BUB3: variants seen among roughly 807,000 people sequenced by gnomAD.
The protein encoded by BUB3 is BUB3 mitotic checkpoint protein, also known as mitotic checkpoint protein BUB3.
In BUB3, 22 loss-of-function variants were observed where a neutral mutation model predicts 39.9. The observed-to-expected ratio is 0.55, with a 90% CI of 0.39 to 0.79. BUB3 has a LOEUF of 0.79. Ranked by LOEUF, BUB3 falls within the 30% of genes least tolerant of loss-of-function variation. The probability of loss-of-function intolerance (pLI) is 0.00; values close to 1 mark genes in which losing one functional copy is unlikely to be tolerated. For missense variants in BUB3, 303 were observed against 415.4 expected (o/e 0.73, Z 2.35); for synonymous variants, 168 against 155.1 (o/e 1.08, Z -0.62).
rs994109282 is a variant in BUB3 at position 123,160,544 on chromosome 10, A to G, written c.555A>G (p.Ile185Met). Residue 185 changes from isoleucine (I) to methionine (M), a missense_variant, in exon 5 of 8, where the codon ATA becomes ATG. By Grantham distance (10) the Ile-to-Met change is conservative (BLOSUM62 1). Coordinates refer to ENST00000368865, the MANE Select transcript of BUB3 (RefSeq NM_004725.4). ...ESSLKYQTRC[I>M]RAFPNKQGYV... Reference sequence around the variant, plus strand: ...GCCTGAAATACCAGACTCGCTGCATACGAGCGTTTCCAAACAAGCAGGTAT... The same window carrying G: ...GCCTGAAATACCAGACTCGCTGCATGCGAGCGTTTCCAAACAAGCAGGTAT... The G allele has an allele frequency of 4.4e-6, 7 of 1,602,524 alleles. No homozygotes were observed. Among genetic ancestry groups the G allele is most frequent in the Non-Finnish European group, 5.9e-6 (7 of 1,176,748 alleles).
intron 7 of BUB3, 198 bp downstream of exon 7, chr10:123,163,026 T>A: frequency 1.7e-6 from 1 of 572,932 alleles, no homozygotes; most frequent in Non-Finnish European, 3.0e-6. Flanking sequence ...AAATTGTGCC[T>A]AGTTGTTTTG....
At chr10:123,154,857 G>C in intron 1 of BUB3, 61 bp from the exon 2 acceptor site, 1 of 1,541,034 alleles carries the variant, frequency 6.5e-7, no homozygotes, top group Non-Finnish European at 8.8e-7. Flanking sequence ...CCAGTGCCAG[G>C]CTGTCAGTGC....
At chr10:123,160,650 G>T in intron 5 of BUB3, 85 bp downstream of exon 5, 2 of 1,240,318 alleles carry the variant, frequency 1.6e-6, no homozygotes, top group South Asian at 2.3e-5. Flanking sequence ...AGCCCCTAAA[G>T]CCTTCTTTTT....
chr10:123,166,375 C>G lies in BUB3; in HGVS notation c.*2540C>G, dbSNP rs1564785292. 1 of 152,178 alleles carries G rather than the reference C, an allele frequency of 6.6e-6. No homozygotes were observed. The highest frequency in any genetic ancestry group is 2.4e-5 in the African/African-American group (1 of 41,430). The allele number at this position is 152,178 out of a possible 1,614,324, so 9.4% of individuals were successfully genotyped here. ...ACATTTTGAACTACAGTTCAGAACA[C>G]AGAGGTCAGTATATTATACATGACA... On this transcript the variant is annotated 3_prime_UTR_variant, in exon 8 of 8. Transcript: ENST00000368865.
rs550614544 is a variant in BUB3 at position 123,168,215 on chromosome 10, T to C, written c.*4380T>C. 1 of 152,374 alleles carries C rather than the reference T, an allele frequency of 6.6e-6. No individual in the cohort carries two copies. The highest frequency in any genetic ancestry group is 2.1e-4 in the South Asian group (1 of 4,832). The allele number at this position is 152,374 out of a possible 1,614,324, so 9.4% of individuals were successfully genotyped here. On this transcript the variant is annotated 3_prime_UTR_variant, in exon 8 of 8. Transcript: ENST00000368865. Reference sequence around the variant, plus strand: ...ATGTCAGGGCTCCAGAACTTACTCATCTCATAGGAGGCAGCTACTTTTAAC... The same window carrying C: ...ATGTCAGGGCTCCAGAACTTACTCACCTCATAGGAGGCAGCTACTTTTAAC...
chr10:123,160,669 G>A, intron 5 of BUB3, 104 bp downstream of exon 5: 1 of 1,096,006 alleles, frequency 9.1e-7, no homozygotes, highest in Non-Finnish European at 1.2e-6. Context: ...TTTTTTTTCA[G>A]TAGTGATTTA....
Position 123,162,352 on chromosome 10 carries a change from T to C in BUB3, c.693T>C (p.Ile231=). The change falls in exon 6 of 8, where the codon ATT becomes ATC. Residue 231 remains isoleucine, a synonymous_variant. Coordinates refer to ENST00000368865, the MANE Select transcript of BUB3 (RefSeq NM_004725.4). ...GTCACAGACTAAAAGAAAATAATAT[T>C]GAGCAGATTTACCCAGTCAATGCCA... ...FKCHRLKENN[I]EQIYPVNAIS... 2 of 1,614,132 alleles carry C rather than the reference T, an allele frequency of 1.2e-6. No individual in the cohort carries two copies. The highest frequency in any genetic ancestry group is 1.7e-6 in the Non-Finnish European group (2 of 1,180,012).
chr10:123,155,311 C>T lies in BUB3; in HGVS notation c.195+199C>T, dbSNP rs560173735. 2.6e-5 allele frequency among the ~76,000 whole-genome samples: 4 copies of T among 152,316 alleles called. No homozygotes were observed. In the South Asian group the frequency reaches 6.2e-4, roughly 24 times the overall value. On this transcript the variant is annotated intron_variant, in intron 2 of 7. Transcript: ENST00000368865. ...TGCAGACATTGGAAACTCCGTCTCC[C>T]CTTTTCTGTTACACGCTTGTGGAGT...
chr10:123,155,660 T>G lies in BUB3; in HGVS notation c.198T>G (p.Asp66Glu). 1 of 1,614,006 alleles carries G rather than the reference T, an allele frequency of 6.2e-7. No homozygotes were observed. Among genetic ancestry groups the G allele is most frequent in the Non-Finnish European group, 8.5e-7 (1 of 1,179,864 alleles). Residue 66 changes from aspartate (D) to glutamate (E), a missense_variant and splice_region_variant, in exon 3 of 8, where the codon GAT becomes GAG. Around this residue, in one of 2 missense-constraint regions of BUB3, gnomAD observed 121 missense variants for 122.3 expected, o/e 0.99. Coordinates refer to ENST00000368865, the MANE Select transcript of BUB3 (RefSeq NM_004725.4). Reference protein sequence around the residue: ...TGAVLDCAFYDPTHAWSGGLD... With the variant: ...TGAVLDCAFYEPTHAWSGGLD... ...AACGGTTCAAAACTATTTTATAGGA[T>G]CCAACGCATGCCTGGAGTGGAGGAC... is the stretch of plus-strand genomic sequence containing the variant.
Position 123,154,717 on chromosome 10 carries a change from G to A in BUB3, c.1-201G>A, listed in dbSNP as rs1306048478. On this transcript the variant is annotated intron_variant, in intron 1 of 7. Transcript: ENST00000368865. ...TTTAGGGGGACGGCGGTGCGGGCTG[G>A]GCCGGTTTGGGCGCGGCGGGGGCCG... 3 of 574,562 alleles carry A rather than the reference G, an allele frequency of 5.2e-6. No individual in the cohort carries two copies. In the Admixed American group the frequency reaches 1.0e-4, roughly 20 times the overall value. 35.6% of individuals were successfully genotyped at this position (574,562 alleles called of 1,614,324 possible).
intron 5 of BUB3, 50 bp downstream of exon 5, chr10:123,160,615 C>A: frequency 7.1e-7 from 1 of 1,412,750 alleles, no homozygotes; most frequent in Non-Finnish European, 9.4e-7. Context: ...ATAATATGAT[C>A]TTATATTATA....
In BUB3 at chr10:123,155,032, G is replaced by T; in HGVS notation, c.115G>T (p.Val39Leu). Residue 39 changes from valine (V) to leucine (L), a missense_variant, in exon 2 of 8, where the codon GTG (valine) becomes TTG (leucine). Around this residue, in one of 2 missense-constraint regions of BUB3, gnomAD observed 121 missense variants for 122.3 expected, o/e 0.99. Transcript: ENST00000368865. ...FLLVSSWDTS[V>L]RLYDVPANSM... ...GCTTGTCTCCTCCTGGGACACGTCC[G>T]TGCGTCTCTACGATGTGCCGGCCAA... 1 of 1,614,172 alleles carries T rather than the reference G, an allele frequency of 6.2e-7. No individual in the cohort carries two copies. Among genetic ancestry groups the T allele is most frequent in the Non-Finnish European group, 8.5e-7 (1 of 1,180,040 alleles).
Position 123,158,468 on chromosome 10 carries a change from A to G in BUB3, c.417+588A>G, listed in dbSNP as rs374659357. ...ATTCTAACCTTTTGATCTGTATGAT[A>G]AAAGTGTAATTGAGCTTTCCTTCTG... On this transcript the variant is annotated intron_variant, in intron 4 of 7. Coordinates refer to ENST00000368865, the MANE Select transcript of BUB3 (RefSeq NM_004725.4). Among the ~76,000 whole-genome samples, 73 of 152,354 alleles carry G rather than the reference A, an allele frequency of 4.8e-4. 1 individual carries two copies. In the South Asian group the frequency reaches 0.015, roughly 31 times the overall value.
At chr10:123,158,444 T>C (rs1237270869) in intron 4 of BUB3, among the ~76,000 whole-genome samples, 1 of 152,262 alleles carries the variant, frequency 6.6e-6, no homozygotes, top group Non-Finnish European at 1.5e-5. Flanking sequence ...TTGTGTATTA[T>C]TCTAACCTTT....
At chr10:123,161,896 A>G (rs958975550) in intron 5 of BUB3, among the ~76,000 whole-genome samples, 1 of 152,250 alleles carries the variant, frequency 6.6e-6, no homozygotes, top group Non-Finnish European at 1.5e-5. Context: ...ATAGAAGAAT[A>G]TATTTTAACT....
rs1235933165 is a variant in BUB3 at position 123,167,568 on chromosome 10, A to C, written c.*3733A>C. On this transcript the variant is annotated 3_prime_UTR_variant, in exon 8 of 8. Coordinates refer to ENST00000368865, the MANE Select transcript of BUB3 (RefSeq NM_004725.4). The stretch of plus-strand genomic sequence containing the variant: ...TGTTGGACCACTTTGATATTGCTGA[A>C]TTATATAGACTCCTTTTAAAATAAT... 6.6e-6 allele frequency: 1 copy of C among 152,164 alleles called. No individual in the cohort carries two copies. The highest frequency in any genetic ancestry group is 1.9e-4 in the East Asian group (1 of 5,204). The allele number at this position is 152,164 out of a possible 1,614,324, so 9.4% of individuals were successfully genotyped here.
At position 123,162,159 on chromosome 10, in the gene BUB3, G is replaced by A. The variant is rs1232487940; in HGVS notation, c.577-77G>A. On this transcript the variant is annotated intron_variant, in intron 5 of 7. Transcript: ENST00000368865. ...TCTGAAATAATCACTCTTTAGTGTG[G>A]GTTGAATTTGGGAATTAGCACCTTG... 1.1e-5 allele frequency: 14 copies of A among 1,279,590 alleles called. No individual in the cohort carries two copies. The East Asian group carries it at 3.0e-4, about 27-fold the overall frequency. The allele number at this position is 1,279,590 out of a possible 1,614,324, so 79.3% of individuals were successfully genotyped here.
chr10:123,163,052 A>G, intron 7 of BUB3: 1 of 528,152 alleles, frequency 1.9e-6, no homozygotes, highest in Non-Finnish European at 3.3e-6. Flanking sequence ...AAGAATGTCA[A>G]ACTCTTATTC....
In BUB3 at chr10:123,164,004, C is replaced by T. The variant is rs1012201007; in HGVS notation, c.*169C>T. The stretch of plus-strand genomic sequence containing the variant: ...TTGAATTTTTTTTTTTAAATAAACA[C>T]CTTCTTAAGTGCATGAGATGGTTTG... On this transcript the variant is annotated 3_prime_UTR_variant, in exon 8 of 8. Transcript: ENST00000368865. 69 of 1,320,604 alleles carry T rather than the reference C, an allele frequency of 5.2e-5. No homozygotes were observed. The Middle Eastern group carries it at 8.4e-4, about 16-fold the overall frequency. The allele number at this position is 1,320,604 out of a possible 1,614,324, so 81.8% of individuals were successfully genotyped here.
Sources: gnomAD v4.1 joint callset for allele counts (sites outside exome capture counted in the v4.1 genomes callset) on GRCh38, gnomAD v4.1.1 for gene constraint, gnomAD v4.1.1 regional missense constraint, MANE v1.5 for transcripts, NCBI Gene and HGNC (gene_info 2026-07-23, HGNC 2026-07-21) for gene names.